Variants in PPP1R9A observed in about 807,000 individuals in gnomAD.
The protein encoded by PPP1R9A is neurabin-1.
PPP1R9A carries 59 observed loss-of-function variants against 141.9 expected under a neutral mutation model. That is an observed-to-expected ratio of 0.42 (90% CI 0.34 to 0.52). The LOEUF (loss-of-function observed/expected upper bound fraction) is 0.52, where lower values mean the gene tolerates loss of function less well. Among genes scored for constraint, PPP1R9A ranks in the 20% least tolerant of loss-of-function variants. The probability of loss-of-function intolerance (pLI) is 0.10; values close to 1 mark genes in which losing one functional copy is unlikely to be tolerated. For missense variants in PPP1R9A, 1,444 were observed against 1,611.9 expected, an observed-to-expected ratio of 0.90 and a Z score of 1.78; for synonymous variants, 500 against 569.7, an observed-to-expected ratio of 0.88 and a Z score of 1.74.
chr7:94,985,983 T>C (rs911236421), intron 2 of PPP1R9A, among the ~76,000 whole-genome samples: 1 of 152,174 alleles, frequency 6.6e-6, no homozygotes, highest in African/African-American at 2.4e-5. Flanking sequence ...TTTCAGATAT[T>C]CAGTGTAAGT....
Position 95,290,076 on chromosome 7 carries a change from G to A in PPP1R9A, c.3913-15G>A, listed in dbSNP as rs374851492. On this transcript the variant is annotated splice_polypyrimidine_tract_variant and intron_variant, in intron 19 of 19. Coordinates refer to ENST00000433360, the MANE Select transcript of PPP1R9A (RefSeq NM_001166160.2). ...TGGTTTTCAAATTCAGTTTGTGTGTGTGTTTCTTTCTTAGGCTCTTGGAAT... is the reference window on the plus strand; with the variant it reads ...TGGTTTTCAAATTCAGTTTGTGTGTATGTTTCTTTCTTAGGCTCTTGGAAT... 1.9e-5 allele frequency: 31 copies of A among 1,611,702 alleles called. No homozygotes were observed. The African/African-American group carries it at 2.9e-4, about 15-fold the overall frequency.
chr7:95,268,774 A>G (rs1486867837), intron 13 of PPP1R9A, 67 bp downstream of exon 13: 1 of 1,547,710 alleles, frequency 6.5e-7, no homozygotes, highest in Non-Finnish European at 8.7e-7. Flanking sequence ...CAGCTTATTG[A>G]AGATTATGAT....
intron 4 of PPP1R9A, among the ~76,000 whole-genome samples, chr7:95,135,854 CT>C (rs58872136): frequency 0.27 from 19,907 of 73,498 alleles, 723 homozygotes; most frequent in Non-Finnish European, 0.31. Flanking sequence ...TTCAGCTTTA[CT>C]TTTTTTTTTT....
chr7:95,237,561 G>T (rs1585399423), intron 8 of PPP1R9A, among the ~76,000 whole-genome samples: 1 of 151,754 alleles, frequency 6.6e-6, no homozygotes, highest in East Asian at 1.9e-4. Context: ...CTGTACTATG[G>T]CTTATATTTT....
At chr7:95,044,764 T>G (rs1376198544) in intron 2 of PPP1R9A, among the ~76,000 whole-genome samples, 1 of 149,244 alleles carries the variant, frequency 6.7e-6, no homozygotes, top group Non-Finnish European at 1.5e-5. Flanking sequence ...GAGATGGAGG[T>G]GTCTCACTGT....
chr7:94,907,982 C>T (rs1790954171), intron 1 of PPP1R9A: 2 of 148,770 alleles, frequency 1.3e-5, no homozygotes, highest in South Asian at 2.1e-4. Flanking sequence ...CCGCCGCAGC[C>T]GCCCTACGCG....
chr7:95,031,671 A>T (rs1807701466), intron 2 of PPP1R9A, among the ~76,000 whole-genome samples: 1 of 151,828 alleles, frequency 6.6e-6, no homozygotes, highest in Non-Finnish European at 1.5e-5. Context: ...CAGACGAATC[A>T]CTTGAACCTG....
At chr7:95,266,481 A>G (rs543179777) in intron 12 of PPP1R9A, among the ~76,000 whole-genome samples, 12 of 152,202 alleles carry the variant, frequency 7.9e-5, no homozygotes, top group South Asian at 6.2e-4. Context: ...AAATCTTGCA[A>G]TGGGAGGTTT....
At chr7:95,169,493 CA>C (rs1831787224) in intron 5 of PPP1R9A, among the ~76,000 whole-genome samples, 1 of 151,712 alleles carries the variant, frequency 6.6e-6, no homozygotes, top group South Asian at 2.1e-4. Flanking sequence ...AAGTTAATAA[CA>C]ATGTATGTAT....
intron 5 of PPP1R9A, among the ~76,000 whole-genome samples, chr7:95,185,055 A>G (rs1289324192): frequency 6.9e-6 from 1 of 144,558 alleles, no homozygotes; most frequent in Admixed American, 7.0e-5. Flanking sequence ...ATTTATTTTT[A>G]TTATACTTTA....
intron 5 of PPP1R9A, among the ~76,000 whole-genome samples, chr7:95,187,807 T>G (rs905709194): frequency 6.6e-6 from 1 of 152,196 alleles, no homozygotes; most frequent in Admixed American, 6.5e-5. Flanking sequence ...TGTATTTGTT[T>G]AGTTTTGAGG....
chr7:95,041,363 G>T (rs1010270713), intron 2 of PPP1R9A, among the ~76,000 whole-genome samples: 3 of 152,170 alleles, frequency 2.0e-5, no homozygotes, highest in African/African-American at 7.2e-5. Flanking sequence ...GAGAAAAAAA[G>T]ATTTTAATCA....
chr7:95,153,455 A>G (rs1829076464), intron 4 of PPP1R9A, among the ~76,000 whole-genome samples: 1 of 152,168 alleles, frequency 6.6e-6, no homozygotes, highest in Non-Finnish European at 1.5e-5. Flanking sequence ...AGCTTATCTG[A>G]TCAATACACT....
At chr7:95,091,271 GC>G (rs1459168926) in intron 2 of PPP1R9A, among the ~76,000 whole-genome samples, 9 of 149,914 alleles carry the variant, frequency 6.0e-5, no homozygotes, top group Non-Finnish European at 1.0e-4. Context: ...AGAAAGTTAT[GC>G]CTGTTAAAAT....
intron 7 of PPP1R9A, among the ~76,000 whole-genome samples, chr7:95,224,936 GT>G (rs138385034): frequency 6.6e-6 from 1 of 151,932 alleles, no homozygotes; most frequent in Non-Finnish European, 1.5e-5. Flanking sequence ...AATGAACTTT[GT>G]TTTTTTAACC....
At chr7:95,017,987 CTTTTATTTT>C (rs1805346240) in intron 2 of PPP1R9A, among the ~76,000 whole-genome samples, 1 of 152,088 alleles carries the variant, frequency 6.6e-6, no homozygotes, top group Admixed American at 6.6e-5. Context: ...GATTTGTTTT[CTTTTATTTT>C]TAACCATGCA....
chr7:94,974,980 A>G (rs1799266792), intron 2 of PPP1R9A, among the ~76,000 whole-genome samples: 1 of 152,186 alleles, frequency 6.6e-6, no homozygotes, highest in Non-Finnish European at 1.5e-5. Context: ...AGTATCTGAT[A>G]TGTCCCTATA....
chr7:95,218,521 C>A (rs1162169765), intron 7 of PPP1R9A, among the ~76,000 whole-genome samples: 1 of 152,088 alleles, frequency 6.6e-6, no homozygotes, highest in African/African-American at 2.4e-5. Flanking sequence ...CCTGGATATC[C>A]TTGTTAACTT....
chr7:94,992,705 GATTTCTC>G (rs2151439768), intron 2 of PPP1R9A, among the ~76,000 whole-genome samples: 1 of 152,156 alleles, frequency 6.6e-6, no homozygotes, highest in South Asian at 2.1e-4. Context: ...TTTCAATTTA[GATTTCTC>G]TAATGGCTAA....
Sources: allele counts gnomAD v4.1 joint callset (sites outside exome capture counted in the v4.1 genomes callset), GRCh38; gene constraint gnomAD v4.1.1; transcripts MANE v1.5; gene names NCBI Gene and HGNC (gene_info 2026-07-23, HGNC 2026-07-21).